P3H2: variants seen among roughly 807,000 people sequenced by gnomAD.
P3H2 encodes leprecan-like 1.
A neutral mutation model predicts 87.0 loss-of-function variants in P3H2; 80 were observed. The ratio of observed to expected loss-of-function variants is 0.92; its 90% CI spans 0.77 to 1.11. P3H2 has a LOEUF of 1.11. P3H2 is among the 50% of genes least tolerant of loss of function. P3H2 has a pLI of 0.00. For synonymous variants in P3H2, 367 were observed against 359.3 expected, an observed-to-expected ratio of 1.02 and a Z score of -0.24; for missense variants, 1,001 against 923.9, an observed-to-expected ratio of 1.08 and a Z score of -1.08.
intron 1 of P3H2, among the ~76,000 whole-genome samples, chr3:190,011,894 T>C (rs1428893626): frequency 6.6e-6 from 1 of 152,216 alleles, no homozygotes; most frequent in Non-Finnish European, 1.5e-5. Context: ...AGAAAAATGT[T>C]ATACATCAAA....
At chr3:190,075,553 A>T (rs879586927) in intron 1 of P3H2, among the ~76,000 whole-genome samples, 8 of 152,154 alleles carry the variant, frequency 5.3e-5, no homozygotes, top group Non-Finnish European at 1.2e-4. Flanking sequence ...ACAGATACAC[A>T]TAAAATCTCA....
Position 189,994,114 on chromosome 3 carries a change from C to T in P3H2, c.803G>A (p.Gly268Asp). 1 of 1,612,914 alleles carries T rather than the reference C, an allele frequency of 6.2e-7. No individual in the cohort carries two copies. The highest frequency in any genetic ancestry group is 8.5e-7 in the Non-Finnish European group (1 of 1,179,460). ...TTTACCTGCAATAGCTTCATACAGA[C>T]CAGCCTTATACCCTAAATACTCATA... ...EEYEYLGYKAGLYEAIADHYM... is the reference protein window; with the variant it reads ...EEYEYLGYKADLYEAIADHYM... Residue 268 changes from glycine (G) to aspartate (D), a missense_variant, in exon 3 of 15, where the codon GGT (glycine) becomes GAT (aspartate). By Grantham distance (94) the Gly-to-Asp change is moderately conservative. Coordinates refer to ENST00000319332, the MANE Select transcript of P3H2 (RefSeq NM_018192.4).
chr3:190,030,843 T>C (rs779273266), intron 1 of P3H2, among the ~76,000 whole-genome samples: 11 of 152,152 alleles, frequency 7.2e-5, no homozygotes, highest in Non-Finnish European at 1.5e-4. Context: ...GCAATGTCAA[T>C]TAATGAGAAT....
chr3:189,988,907 C>G lies in P3H2; in HGVS notation c.955G>C (p.Val319Leu). Residue 319 changes from valine (V) to leucine (L), a missense_variant and splice_region_variant, in exon 4 of 15, where the codon GTT (valine) becomes CTT (leucine). Physicochemically the swap from Val to Leu is conservative, Grantham distance 32. Transcript: ENST00000319332. ...TCTTCACGGATGATCCACGCTTTAC[C>G]TCGATAGTAGGCAAACTGTAGGTAA... ...YDYLQFAYYRVGEYVKALECA... is the reference protein window; with the variant it reads ...YDYLQFAYYRLGEYVKALECA... 1 of 1,614,032 alleles carries G rather than the reference C, an allele frequency of 6.2e-7. No individual in the cohort carries two copies.
chr3:189,987,987 G>A (rs956529752), intron 4 of P3H2, among the ~76,000 whole-genome samples: 1 of 152,174 alleles, frequency 6.6e-6, no homozygotes, highest in African/African-American at 2.4e-5. Flanking sequence ...AGTTAATTCT[G>A]ATTTTTGTAC....
chr3:190,093,362 C>T (rs980563602), intron 1 of P3H2, among the ~76,000 whole-genome samples: 11 of 151,984 alleles, frequency 7.2e-5, no homozygotes, highest in African/African-American at 1.9e-4. Context: ...CTTCTATACA[C>T]GTGACTAGCT....
chr3:190,028,520 G>T (rs911659437), intron 1 of P3H2, among the ~76,000 whole-genome samples: 3 of 152,096 alleles, frequency 2.0e-5, no homozygotes, highest in African/African-American at 7.2e-5. Flanking sequence ...ATATCTGAGG[G>T]GCTCTCTCAG....
intron 1 of P3H2, among the ~76,000 whole-genome samples, chr3:190,111,043 CT>C (rs1712050854): frequency 6.6e-6 from 1 of 151,902 alleles, no homozygotes; most frequent in Admixed American, 6.6e-5. Flanking sequence ...TTGGATCTCC[CT>C]CTTTCTGGCT....
At chr3:190,040,746 T>A (rs1725580660) in intron 1 of P3H2, among the ~76,000 whole-genome samples, 1 of 152,036 alleles carries the variant, frequency 6.6e-6, no homozygotes, top group Non-Finnish European at 1.5e-5. Context: ...ACATTTCTGT[T>A]ATGAACTCTA....
chr3:189,996,512 AAAG>A (rs1259725561), intron 1 of P3H2, among the ~76,000 whole-genome samples: 1 of 152,210 alleles, frequency 6.6e-6, no homozygotes, highest in Non-Finnish European at 1.5e-5. Flanking sequence ...AGTTATAGTT[AAAG>A]AAGAAGAATA....
chr3:190,110,865 T>C (rs1306834003), intron 1 of P3H2, among the ~76,000 whole-genome samples: 2 of 152,254 alleles, frequency 1.3e-5, no homozygotes, highest in Non-Finnish European at 2.9e-5. Flanking sequence ...TCATTTATTT[T>C]ATTACATATT....
intron 1 of P3H2, among the ~76,000 whole-genome samples, chr3:190,091,362 C>A (rs182561001): frequency 6.6e-6 from 1 of 152,278 alleles, no homozygotes; most frequent in Non-Finnish European, 1.5e-5. Flanking sequence ...ACATTTGTTA[C>A]CTTAACAGTA....
At chr3:190,029,803 C>G (rs879619284) in intron 1 of P3H2, among the ~76,000 whole-genome samples, 5 of 152,002 alleles carry the variant, frequency 3.3e-5, no homozygotes, top group African/African-American at 4.8e-5. Flanking sequence ...GAGTTTGAGA[C>G]CAGCCTGGCC....
intron 1 of P3H2, among the ~76,000 whole-genome samples, chr3:190,118,777 C>T (rs556973347): frequency 4.9e-4 from 74 of 152,124 alleles, no homozygotes; most frequent in African/African-American, 1.7e-3. Flanking sequence ...GATATTTGAA[C>T]ATGGTATGTA....
chr3:190,072,161 G>C (rs1726721199), intron 1 of P3H2, among the ~76,000 whole-genome samples: 1 of 151,966 alleles, frequency 6.6e-6, no homozygotes, highest in Admixed American at 6.6e-5. Flanking sequence ...GCGTAACTGG[G>C]ATTACAGGCA....
At chr3:190,080,858 T>C (rs1727021377) in intron 1 of P3H2, among the ~76,000 whole-genome samples, 1 of 152,194 alleles carries the variant, frequency 6.6e-6, no homozygotes, top group African/African-American at 2.4e-5. Flanking sequence ...TTCCCATCTC[T>C]TGAATTCACA....
At chr3:190,036,447 T>C (rs574969514) in intron 1 of P3H2, among the ~76,000 whole-genome samples, 23 of 151,814 alleles carry the variant, frequency 1.5e-4, no homozygotes, top group African/African-American at 5.3e-4. Flanking sequence ...GCCTTAATAA[T>C]TAATAACATC....
chr3:190,090,047 T>C (rs575468694), intron 1 of P3H2, among the ~76,000 whole-genome samples: 6 of 152,236 alleles, frequency 3.9e-5, no homozygotes, highest in African/African-American at 1.2e-4. Context: ...AGTCAATGAA[T>C]CTTCTCTGTA....
intron 1 of P3H2, among the ~76,000 whole-genome samples, chr3:190,040,744 G>A (rs1725580484): frequency 6.6e-6 from 1 of 151,920 alleles, no homozygotes; most frequent in Non-Finnish European, 1.5e-5. Flanking sequence ...ATACATTTCT[G>A]TTATGAACTC....
Sources: allele counts gnomAD v4.1 joint callset (sites outside exome capture counted in the v4.1 genomes callset), GRCh38; gene constraint gnomAD v4.1.1; transcripts MANE v1.5; gene names NCBI Gene and HGNC (gene_info 2026-07-23, HGNC 2026-07-21).